Variants in GNB5 observed in about 807,000 individuals in gnomAD.
GNB5 encodes G protein subunit beta 5.
In GNB5, 37 loss-of-function variants were observed where a neutral mutation model predicts 55.3. The observed-to-expected ratio is 0.67, with a 90% CI of 0.51 to 0.88. The LOEUF (loss-of-function observed/expected upper bound fraction) is 0.88. Ranked by LOEUF, GNB5 falls within the 40% of genes least tolerant of loss-of-function variation. GNB5 has a pLI of 0.00. For missense variants in GNB5, 476 were observed against 515.3 expected (o/e 0.92, Z 0.74); for synonymous variants, 219 against 198.5 (o/e 1.10, Z -0.87).
At chr15:52,134,252 A>G (rs1341727233) in intron 8 of GNB5, among the ~76,000 whole-genome samples, 1 of 152,254 alleles carries the variant, frequency 6.6e-6, no homozygotes, top group Non-Finnish European at 1.5e-5. Context: ...CTTAAGTAGT[A>G]GAATGTGGAC....
At chr15:52,143,643 C>A (rs554084906) in intron 6 of GNB5, among the ~76,000 whole-genome samples, 2 of 152,146 alleles carry the variant, frequency 1.3e-5, no homozygotes, top group Non-Finnish European at 2.9e-5. Flanking sequence ...AGAGGGAGAC[C>A]CAGGAGCCAG....
At chr15:52,152,165 A>G (rs1391887938) in intron 4 of GNB5, among the ~76,000 whole-genome samples, 1 of 151,670 alleles carries the variant, frequency 6.6e-6, no homozygotes, top group Non-Finnish European at 1.5e-5. Context: ...CAAACGCAAA[A>G]CTGACACAGA....
Position 52,133,542 on chromosome 15 carries a change from T to C in GNB5, c.772-73A>G, listed in dbSNP as rs7182731. The stretch of plus-strand genomic sequence containing the variant: ...ATAGACAAGGCACGAGTCCCAGTTA[T>C]ATAACACAGACCATTTATTTCCCAT... On this transcript the variant is annotated intron_variant, in intron 8 of 12. Transcript: ENST00000261837. The C allele has an allele frequency of 4.4e-3, 4,105 of 929,656 alleles. 110 individuals carry two copies. In the African/African-American group the frequency reaches 0.056, roughly 13 times the overall value. The allele number at this position is 929,656 out of a possible 1,614,324, so 57.6% of individuals were successfully genotyped here.
At chr15:52,133,037 C>A (rs2033618680) in intron 9 of GNB5, among the ~76,000 whole-genome samples, 1 of 152,086 alleles carries the variant, frequency 6.6e-6, no homozygotes, top group South Asian at 2.1e-4. Context: ...AGTTTGTCTC[C>A]TGTAAGAGAA....
At position 52,135,666 on chromosome 15, in the gene GNB5, C is replaced by T. The variant is rs149759916; in HGVS notation, c.718G>A (p.Val240Ile). The T allele has an allele frequency of 4.5e-5, 72 of 1,613,602 alleles. No homozygotes were observed. The South Asian group carries it at 4.7e-4, about 11-fold the overall frequency. The change falls in exon 8 of 13, where the codon GTC (valine) becomes ATC (isoleucine). Residue 240 changes from valine to isoleucine, a missense_variant. Transcript: ENST00000261837. The part of the protein sequence containing the change: ...LQSFHGHGAD[V>I]LCLDLAPSET... ...GAGGGGGCCAGGTCCAAGCAGAGGA[C>T]GTCAGCCCCATGTCCGTGGAAGCTC...
Position 52,123,548 on chromosome 15 carries a change from T to TC in GNB5, c.1177-781_1177-780insG, listed in dbSNP as rs1371374125. ...TTTGCTCTATGAATGGGCTACTTTTTTTTTTTTTTTTTGAGACAGAGTCTT... is the reference window on the plus strand; with the variant it reads ...TTTGCTCTATGAATGGGCTACTTTTTCTTTTTTTTTTTTGAGACAGAGTCTT... On this transcript the variant is annotated intron_variant, in intron 12 of 12. Transcript: ENST00000261837. 2.0e-5 allele frequency: 3 copies of TC among 152,016 alleles called. No individual in the cohort carries two copies. In the East Asian group the frequency reaches 5.8e-4, roughly 29 times the overall value. 9.4% of individuals were successfully genotyped at this position (152,016 alleles called of 1,614,324 possible).
At chr15:52,168,894 T>C (rs982862051) in intron 3 of GNB5, among the ~76,000 whole-genome samples, 3 of 152,180 alleles carry the variant, frequency 2.0e-5, no homozygotes, top group African/African-American at 7.2e-5. Context: ...TAATAAATAG[T>C]GTTAGGAGAA....
In GNB5 at chr15:52,147,591, T is replaced by C. The variant is rs946708368; in HGVS notation, c.418-56A>G. The C allele has an allele frequency of 1.3e-5, 13 of 962,972 alleles. No individual in the cohort carries two copies. In the African/African-American group the frequency reaches 2.2e-4, roughly 16 times the overall value. 59.7% of individuals were successfully genotyped at this position (962,972 alleles called of 1,614,324 possible). On this transcript the variant is annotated intron_variant, in intron 5 of 12. Coordinates refer to ENST00000261837, the MANE Select transcript of GNB5 (RefSeq NM_016194.4). ...ACTTCCACACAAAAATCTTTTTTTTTTTTCTTTTTTTTTGAGATGGAGTCT... is the reference window on the plus strand; with the variant it reads ...ACTTCCACACAAAAATCTTTTTTTTCTTTCTTTTTTTTTGAGATGGAGTCT...
Position 52,122,511 on chromosome 15 carries a change from A to T in GNB5, c.*246T>A, listed in dbSNP as rs978667503. 2 of 477,042 alleles carry T rather than the reference A, an allele frequency of 4.2e-6. No homozygotes were observed. Among genetic ancestry groups the T allele is most frequent in the East Asian group, 3.2e-5 (1 of 31,536 alleles). The allele number at this position is 477,042 out of a possible 1,614,324, so 29.6% of individuals were successfully genotyped here. On this transcript the variant is annotated 3_prime_UTR_variant, in exon 13 of 13. Coordinates refer to ENST00000261837, the MANE Select transcript of GNB5 (RefSeq NM_016194.4). ...ATAACCTTAAAAACAGATACATTTT[A>T]AAAAGTGTTCCAAAAGAAAAATACT...
At position 52,149,538 on chromosome 15, in the gene GNB5, A is replaced by G. The variant is rs1596077251; in HGVS notation, c.417+346T>C. 29 of 565,634 alleles carry G rather than the reference A, an allele frequency of 5.1e-5. No homozygotes were observed. The East Asian group carries it at 8.3e-4, about 16-fold the overall frequency. The allele number at this position is 565,634 out of a possible 1,614,324, so 35.0% of individuals were successfully genotyped here. On this transcript the variant is annotated intron_variant, in intron 5 of 12. Coordinates refer to ENST00000261837, the MANE Select transcript of GNB5 (RefSeq NM_016194.4). ...GAGTCTGGTCAAAGAGAGGGGAGAG[A>G]GAATGGAGAATTTTGGTGCCTCTTA...
At chr15:52,168,964 T>C (rs1052863091) in intron 3 of GNB5, among the ~76,000 whole-genome samples, 4 of 152,130 alleles carry the variant, frequency 2.6e-5, no homozygotes, top group African/African-American at 9.7e-5. Flanking sequence ...TATACAAAAA[T>C]TAATGCAAGA....
rs78709141 is a variant in GNB5 at position 52,171,837 on chromosome 15, T to C, written c.238+7931A>G. 4.9e-3 allele frequency among the ~76,000 whole-genome samples: 744 copies of C among 152,360 alleles called. 18 individuals are homozygous for C. Among genetic ancestry groups the C allele is most frequent in the Admixed American group, 0.026 (398 of 15,298 alleles). On this transcript the variant is annotated intron_variant, in intron 3 of 12. Transcript: ENST00000261837. ...ACTTTTCAAAAAATTACATTTAGAA[T>C]AGATAGAAAAGTTAATGGTATCAGA...
intron 1 of GNB5, among the ~76,000 whole-genome samples, chr15:52,189,244 A>T (rs2034886379): frequency 6.6e-6 from 1 of 152,242 alleles, no homozygotes; most frequent in Non-Finnish European, 1.5e-5. Context: ...TTAAATATAC[A>T]GCTGTTACCA....
intron 9 of GNB5, among the ~76,000 whole-genome samples, chr15:52,131,964 A>C (rs932481492): frequency 6.6e-5 from 10 of 152,164 alleles, no homozygotes; most frequent in African/African-American, 2.4e-4. Flanking sequence ...TTAGCCCCCA[A>C]AAGAACTCCT....
rs561653464 is a variant in GNB5, at chr15:52,166,872, C to CA, written c.239-12797dup. On this transcript the variant is annotated intron_variant, in intron 3 of 12. Transcript: ENST00000261837. ...GGAGATAGAGACATGAAAAACCCTT[C>CA]AAAAAAATCAATGAATCCAGGAGCT... Among the ~76,000 whole-genome samples, 560 of 151,900 alleles carry CA rather than the reference C, an allele frequency of 3.7e-3. 1 individual carries two copies. Among genetic ancestry groups the CA allele is most frequent in the African/African-American group, 0.013 (536 of 41,428 alleles).
chr15:52,131,198 T>C (rs1349983314), intron 9 of GNB5, among the ~76,000 whole-genome samples: 2 of 152,200 alleles, frequency 1.3e-5, no homozygotes, highest in Non-Finnish European at 2.9e-5. Flanking sequence ...TAAAATCAAC[T>C]GCAGATTAAA....
In GNB5 at chr15:52,116,393, T is replaced by C. The variant is rs545353435; in HGVS notation, c.*6364A>G. 1.4e-4 allele frequency: 21 copies of C among 152,258 alleles called. No individual in the cohort carries two copies. The highest frequency in any genetic ancestry group is 2.5e-4 in the Non-Finnish European group (17 of 68,046). 9.4% of individuals were successfully genotyped at this position (152,258 alleles called of 1,614,324 possible). On this transcript the variant is annotated 3_prime_UTR_variant, in exon 13 of 13. Coordinates refer to ENST00000261837, the MANE Select transcript of GNB5 (RefSeq NM_016194.4). ...GTTAAATTAACCATGGAATCACTCC[T>C]GATCCCATCTCCTTACTAGAGGGTC...
intron 5 of GNB5, chr15:52,149,236 T>A (rs537881737): frequency 6.5e-6 from 1 of 152,728 alleles, no homozygotes; most frequent in Admixed American, 6.5e-5. Context: ...ATGTTTTTCA[T>A]AGCATAAAGG....
chr15:52,179,695 GC>G, intron 3 of GNB5, 72 bp downstream of exon 3: 1 of 312,442 alleles, frequency 3.2e-6, no homozygotes, highest in Non-Finnish European at 5.6e-6. Flanking sequence ...CGCCCCCACC[GC>G]CCCCGCCGTC....
Sources: gnomAD v4.1 joint callset for allele counts (sites outside exome capture counted in the v4.1 genomes callset) on GRCh38, gnomAD v4.1.1 for gene constraint, MANE v1.5 for transcripts, NCBI Gene and HGNC (gene_info 2026-07-23, HGNC 2026-07-21) for gene names.